Variants in AOPEP observed in about 807,000 individuals in gnomAD.
AOPEP encodes the protein aminopeptidase O (putative).
In AOPEP, 77 loss-of-function variants were observed where a neutral mutation model predicts 98.1. The observed-to-expected ratio is 0.78, with a 90% CI of 0.65 to 0.95. The LOEUF (loss-of-function observed/expected upper bound fraction) is 0.95, where lower values mean the gene tolerates loss of function less well. Among genes scored for constraint, AOPEP ranks in the 40% least tolerant of loss-of-function variants. The pLI is 0.00. For synonymous variants in AOPEP, 346 were observed against 365.3 expected, an observed-to-expected ratio of 0.95 and a Z score of 0.60; for missense variants, 1,024 against 1,024.7, an observed-to-expected ratio of 1.00 and a Z score of 0.01.
At chr9:94,898,261 C>A (rs1355034769) in intron 5 of AOPEP, among the ~76,000 whole-genome samples, 4 of 152,146 alleles carry the variant, frequency 2.6e-5, no homozygotes, top group African/African-American at 9.7e-5. Flanking sequence ...TCTGGAAACT[C>A]ATGAGGGGCC....
chr9:94,792,944 AG>A (rs1289151898), intron 4 of AOPEP, 26 bp downstream of exon 4: 8 of 1,557,952 alleles, frequency 5.1e-6, no homozygotes, highest in Admixed American at 3.9e-5. Context: ...CTTGCTGGGA[AG>A]GAAAAAAAAA....
At chr9:95,009,901 C>T (rs991918214) in intron 13 of AOPEP, among the ~76,000 whole-genome samples, 1 of 151,096 alleles carries the variant, frequency 6.6e-6, no homozygotes, top group African/African-American at 2.4e-5. Flanking sequence ...TTTCATTGAG[C>T]CCAAATGATA....
intron 13 of AOPEP, among the ~76,000 whole-genome samples, chr9:95,020,854 G>A (rs543661626): frequency 7.6e-6 from 1 of 131,572 alleles, no homozygotes; most frequent in Non-Finnish European, 1.6e-5. Context: ...GGAGGTGGAG[G>A]TTGCAGTTAA....
At chr9:94,792,049 A>G (rs1367055212) in intron 3 of AOPEP, among the ~76,000 whole-genome samples, 1 of 152,208 alleles carries the variant, frequency 6.6e-6, no homozygotes, top group Admixed American at 6.5e-5. Context: ...CCAAGTGGAG[A>G]GTACACCCTC....
chr9:94,785,105 T>C (rs1384817156), intron 3 of AOPEP, among the ~76,000 whole-genome samples: 1 of 151,874 alleles, frequency 6.6e-6, no homozygotes, highest in African/African-American at 2.4e-5. Context: ...CGGCTAATTT[T>C]GTAGTTTTAG....
At position 94,869,551 on chromosome 9, in the gene AOPEP, G is replaced by A. The variant is rs575728270; in HGVS notation, c.1365-54435G>A. On this transcript the variant is annotated intron_variant, in intron 5 of 16. Transcript: ENST00000375315. The stretch of plus-strand genomic sequence containing the variant: ...ATGTGGGCTGGAAAAGTTTACTAGT[G>A]TCTCTTGGCAATCAATTGCTGTGGG... 5.3e-5 allele frequency among the ~76,000 whole-genome samples: 8 copies of A among 152,324 alleles called. No homozygotes were observed. The South Asian group carries it at 1.2e-3, about 24-fold the overall frequency.
intron 7 of AOPEP, chr9:94,932,110 A>G (rs1386091950): frequency 2.1e-5 from 22 of 1,042,628 alleles, no homozygotes; most frequent in Non-Finnish European, 2.4e-5. Flanking sequence ...GTCTTCAGGG[A>G]ACTGAGAGCA....
intron 2 of AOPEP, among the ~76,000 whole-genome samples, chr9:94,768,228 G>C (rs1840062537): frequency 6.6e-6 from 1 of 152,108 alleles, no homozygotes; most frequent in Admixed American, 6.5e-5. Flanking sequence ...TGGGGCCACT[G>C]TGGGCTCATT....
chr9:94,775,044 T>C (rs1209608253), intron 3 of AOPEP, among the ~76,000 whole-genome samples: 1 of 152,194 alleles, frequency 6.6e-6, no homozygotes, highest in Non-Finnish European at 1.5e-5. Flanking sequence ...AAAAAAGATA[T>C]TAATTTCTTA....
At chr9:94,983,775 C>T (rs1432066998) in intron 11 of AOPEP, among the ~76,000 whole-genome samples, 3 of 152,042 alleles carry the variant, frequency 2.0e-5, no homozygotes, top group Non-Finnish European at 4.4e-5. Flanking sequence ...GCATGCTTTC[C>T]TCTCCCTCTC....
intron 10 of AOPEP, among the ~76,000 whole-genome samples, chr9:94,974,690 G>T (rs1355912998): frequency 6.6e-6 from 1 of 152,192 alleles, no homozygotes; most frequent in Non-Finnish European, 1.5e-5. Flanking sequence ...TTCAGCAGGA[G>T]AGATTAGTGA....
At chr9:95,099,915 A>T in the AOPEP span, 1 of 233,028 alleles carries the variant, frequency 4.3e-6, no homozygotes, top group Admixed American at 5.6e-5. Context: ...GAGGAGGAAG[A>T]GGCCAACCCT....
chr9:94,793,384 AGAAAG>A (rs1564145546), intron 4 of AOPEP, among the ~76,000 whole-genome samples: 1 of 148,784 alleles, frequency 6.7e-6, no homozygotes, highest in East Asian at 2.0e-4. Flanking sequence ...AAAACAAAGA[AGAAAG>A]GAAAGAGAGG....
the AOPEP span, among the ~76,000 whole-genome samples, chr9:95,137,212 G>C: frequency 6.6e-6 from 1 of 152,158 alleles, no homozygotes; most frequent in South Asian, 2.1e-4. Context: ...TGGGTCCAGG[G>C]ACAGGAAGGG....
Position 95,086,936 on chromosome 9 carries a change from A to ATT in AOPEP, c.*262_*263dup. 1.0e-6 allele frequency: 1 copy of ATT among 987,672 alleles called. No individual in the cohort carries two copies. Among genetic ancestry groups the ATT allele is most frequent in the Non-Finnish European group, 1.2e-6 (1 of 830,076 alleles). 61.2% of individuals were successfully genotyped at this position (987,672 alleles called of 1,614,324 possible). ...GGATCTGGAGTGGAGCTGCTCTGAG[A>ATT]TTTTGAGTTCTTCTGCAGAGATGAT... On this transcript the variant is annotated 3_prime_UTR_variant, in exon 17 of 17. Coordinates refer to ENST00000375315, the MANE Select transcript of AOPEP (RefSeq NM_001193329.3).
chr9:94,779,403 C>G (rs2133093279), intron 3 of AOPEP, among the ~76,000 whole-genome samples: 1 of 152,310 alleles, frequency 6.6e-6, no homozygotes, highest in Admixed American at 6.5e-5. Flanking sequence ...TTTGGCCCTG[C>G]AGTAAAGCCT....
At chr9:94,909,137 C>T (rs957500040) in intron 5 of AOPEP, among the ~76,000 whole-genome samples, 2 of 152,082 alleles carry the variant, frequency 1.3e-5, no homozygotes, top group Non-Finnish European at 2.9e-5. Context: ...ATGGAAATCA[C>T]GCCACACAGG....
chr9:94,811,601 G>A (rs1424949661), intron 5 of AOPEP, among the ~76,000 whole-genome samples: 5 of 152,138 alleles, frequency 3.3e-5, no homozygotes, highest in African/African-American at 1.2e-4. Context: ...AGAGCTGTAA[G>A]CAACCAGGAG....
intron 8 of AOPEP, 22 bp from the exon 9 acceptor site, chr9:94,955,886 C>G (rs1310468177): frequency 1.7e-5 from 27 of 1,551,110 alleles, no homozygotes; most frequent in Non-Finnish European, 2.2e-5. Context: ...CTCTTTTTCT[C>G]TCTCTTTTTT....
Sources: allele counts gnomAD v4.1 joint callset (sites outside exome capture counted in the v4.1 genomes callset), GRCh38; gene constraint gnomAD v4.1.1; transcripts MANE v1.5; gene names NCBI Gene and HGNC (gene_info 2026-07-23, HGNC 2026-07-21).